The following STARD13 variants were observed in gnomAD, a reference collection of about 807,000 sequenced individuals.
STARD13 encodes the protein StAR related lipid transfer domain containing 13.
A neutral mutation model predicts 106.4 loss-of-function variants in STARD13; 62 were observed. The observed-to-expected ratio is 0.58, with a 90% confidence interval of 0.48 to 0.72. STARD13 has a LOEUF of 0.72. STARD13 is among the 30% of genes least tolerant of loss of function. The pLI is 0.00. For synonymous variants in STARD13, 565 were observed against 553.0 expected (o/e 1.02, Z -0.31); for missense variants, 1,387 against 1,424.0 (o/e 0.97, Z 0.42).
At chr13:33,628,735 G>A in the STARD13 span, among the ~76,000 whole-genome samples, 1 of 152,172 alleles carries the variant, frequency 6.6e-6, no homozygotes, top group African/African-American at 2.4e-5. Flanking sequence ...TCTGCCCCAG[G>A]GAGGCACCGC....
the STARD13 span, among the ~76,000 whole-genome samples, chr13:33,583,285 G>A: frequency 9.2e-5 from 14 of 151,986 alleles, no homozygotes; most frequent in African/African-American, 3.1e-4. Flanking sequence ...CCCTATTAGT[G>A]GTGTGAACCT....
intron 1 of STARD13, among the ~76,000 whole-genome samples, chr13:33,197,127 C>T (rs1035563339): frequency 6.6e-6 from 1 of 152,188 alleles, no homozygotes; most frequent in Non-Finnish European, 1.5e-5. Context: ...CTTTTTCACA[C>T]ATGGCACACA....
rs1300377429 is a variant in STARD13 at position 33,104,971 on chromosome 13, AACAAAGCGTTAAC to A, written c.*609_*621del. The A allele has an allele frequency of 3.3e-5, 5 of 153,046 alleles. No homozygotes were observed. The highest frequency in any genetic ancestry group is 7.3e-5 in the Non-Finnish European group (5 of 68,052). 9.5% of individuals were successfully genotyped at this position (153,046 alleles called of 1,614,324 possible). On this transcript the variant is annotated 3_prime_UTR_variant, in exon 14 of 14. Transcript: ENST00000336934. Reference sequence around the variant, plus strand: ...CCACTCTCAGTTTTTGAATAGCAGAAACAAAGCGTTAACACATAAGTCTCCTTTAATGTTATTT... The same window carrying A: ...CCACTCTCAGTTTTTGAATAGCAGAAACATAAGTCTCCTTTAATGTTATTT...
the STARD13 span, among the ~76,000 whole-genome samples, chr13:33,632,223 C>T: frequency 6.6e-6 from 1 of 152,158 alleles, no homozygotes; most frequent in East Asian, 1.9e-4. Context: ...CTCTTGAGCT[C>T]TCATAAAATC....
chr13:33,583,418 C>T, the STARD13 span, among the ~76,000 whole-genome samples: 1 of 152,136 alleles, frequency 6.6e-6, no homozygotes, highest in Non-Finnish European at 1.5e-5. Flanking sequence ...TATCATTTCC[C>T]ACTTCTTCAG....
chr13:33,232,327 T>A (rs564900141), intron 1 of STARD13, among the ~76,000 whole-genome samples: 1 of 152,312 alleles, frequency 6.6e-6, no homozygotes, highest in East Asian at 1.9e-4. Flanking sequence ...ATTAAATAAA[T>A]AAATAAATAA....
At chr13:33,573,152 G>A in the STARD13 span, among the ~76,000 whole-genome samples, 7 of 152,098 alleles carry the variant, frequency 4.6e-5, no homozygotes, top group African/African-American at 1.7e-4. Context: ...GACTACGGTA[G>A]CCCCAGACAA....
chr13:33,539,011 C>T, the STARD13 span, among the ~76,000 whole-genome samples: 2 of 152,098 alleles, frequency 1.3e-5, no homozygotes, highest in African/African-American at 2.4e-5. Flanking sequence ...CCTTGTGATC[C>T]GCCCACCTCT....
the STARD13 span, among the ~76,000 whole-genome samples, chr13:33,410,321 G>T: frequency 6.6e-6 from 1 of 152,230 alleles, no homozygotes; most frequent in African/African-American, 2.4e-5. Context: ...GCAGAAAAAT[G>T]TAGGTGCTAT....
At chr13:33,553,201 G>C in the STARD13 span, among the ~76,000 whole-genome samples, 2 of 151,922 alleles carry the variant, frequency 1.3e-5, no homozygotes, top group African/African-American at 4.8e-5. Flanking sequence ...CTGAAACTGG[G>C]TGAGGCAAAT....
At chr13:33,151,286 A>G (rs919279218) in intron 3 of STARD13, among the ~76,000 whole-genome samples, 10 of 152,202 alleles carry the variant, frequency 6.6e-5, no homozygotes, top group Non-Finnish European at 1.3e-4. Context: ...ATGGCTCTGC[A>G]GGCTGTACAA....
At chr13:33,258,923 A>G (rs887954643) in intron 1 of STARD13, among the ~76,000 whole-genome samples, 4 of 152,232 alleles carry the variant, frequency 2.6e-5, no homozygotes, top group Non-Finnish European at 4.4e-5. Context: ...GTTGTGCCAT[A>G]CTGTTGGAAA....
At chr13:33,319,763 G>A (rs951776449) in intron 1 of STARD13, among the ~76,000 whole-genome samples, 3 of 152,126 alleles carry the variant, frequency 2.0e-5, no homozygotes. Context: ...TTATCTCTAA[G>A]GCACCTTTAG....
At chr13:33,609,151 A>T in the STARD13 span, among the ~76,000 whole-genome samples, 8 of 151,692 alleles carry the variant, frequency 5.3e-5, no homozygotes, top group Non-Finnish European at 1.2e-4. Context: ...TTTTAACTAT[A>T]TTAAAATTTA....
chr13:33,364,264 G>A, the STARD13 span, among the ~76,000 whole-genome samples: 3 of 152,056 alleles, frequency 2.0e-5, no homozygotes, highest in African/African-American at 4.8e-5. Flanking sequence ...CCAAGAGTTC[G>A]AGACCAACCT....
the STARD13 span, among the ~76,000 whole-genome samples, chr13:33,650,982 A>G: frequency 1.3e-5 from 2 of 152,240 alleles, no homozygotes; most frequent in Admixed American, 6.5e-5. Context: ...GTGAAAAATA[A>G]ATTTCTGTTT....
At chr13:33,365,734 A>C in the STARD13 span, among the ~76,000 whole-genome samples, 3 of 152,166 alleles carry the variant, frequency 2.0e-5, no homozygotes, top group Non-Finnish European at 4.4e-5. Context: ...CTATAAATTC[A>C]TTGCAGGTCA....
At chr13:33,624,379 G>T in the STARD13 span, among the ~76,000 whole-genome samples, 2 of 152,256 alleles carry the variant, frequency 1.3e-5, no homozygotes, top group Non-Finnish European at 2.9e-5. Context: ...GGGCCCCGCT[G>T]CGGGCAGAGT....
chr13:33,138,140 T>A (rs994743276), intron 4 of STARD13, among the ~76,000 whole-genome samples: 1 of 152,240 alleles, frequency 6.6e-6, no homozygotes, highest in Non-Finnish European at 1.5e-5. Context: ...TTGAGACATA[T>A]TCCTAGGTAA....
Sources: allele counts gnomAD v4.1 joint callset (sites outside exome capture counted in the v4.1 genomes callset), GRCh38; gene constraint gnomAD v4.1.1; transcripts MANE v1.5; gene names NCBI Gene and HGNC (gene_info 2026-07-23, HGNC 2026-07-21).